Variants in HLA-DPA1 observed in about 807,000 individuals in gnomAD.
The protein encoded by HLA-DPA1 is major histocompatibility complex, class II, DP alpha 1.
Under a neutral mutation model 21.5 loss-of-function variants are expected in HLA-DPA1, and 20 were observed. The observed-to-expected ratio is 0.93, with a 90% CI of 0.66 to 1.35. The LOEUF is 1.35. Among genes scored for constraint, HLA-DPA1 ranks in the 40% most tolerant of loss-of-function variants. HLA-DPA1 has a pLI of 0.00. For synonymous variants in HLA-DPA1, 123 were observed against 129.6 expected (o/e 0.95, Z 0.35); for missense variants, 279 against 323.0 (o/e 0.86, Z 1.05).
At chr6:33,070,031 A>C (rs1762200491) in intron 2 of HLA-DPA1, 145 bp from the exon 2 acceptor site, 1 of 679,868 alleles carries the variant, frequency 1.5e-6, no homozygotes, top group South Asian at 1.9e-5. Context: ...AAGAAGAAGG[A>C]GCAACACCAT....
chr6:33,068,714 C>A, exon 5 of HLA-DPA1: 1 of 1,613,016 alleles, frequency 6.2e-7, no homozygotes, highest in Non-Finnish European at 8.5e-7. Flanking sequence ...GAGGACGGTG[C>A]CCACGATGAT....
chr6:33,066,087 C>T (rs1013336772), intron 5 of HLA-DPA1: 1 of 152,206 alleles, frequency 6.6e-6, no homozygotes, highest in Admixed American at 6.5e-5. Context: ...CATTCTTCCT[C>T]TTAACATCTG....
chr6:33,069,945 C>A, intron 2 of HLA-DPA1, 59 bp from the exon 2 acceptor site: 1 of 1,497,716 alleles, frequency 6.7e-7, no homozygotes, highest in South Asian at 1.2e-5. Flanking sequence ...TGCAAGTGGT[C>A]AAAGCTAGAG....
rs138558901 is a variant in HLA-DPA1, at chr6:33,078,063, C to T, written c.-100+2617G>A. On this transcript the variant is annotated intron_variant, in intron 1 of 5. Coordinates refer to ENST00000419277, the Ensembl canonical transcript of HLA-DPA1. ...CAGGAGGAAGTGACGGATGCAGCGC[C>T]CCCATCCCATAGGCAGAGCTGTCAT... is the stretch of plus-strand genomic sequence containing the variant. Among the ~76,000 whole-genome samples, 295 of 152,126 alleles carry T rather than the reference C, an allele frequency of 1.9e-3. 1 individual carries two copies. Among genetic ancestry groups the T allele is most frequent in the African/African-American group, 6.3e-3 (263 of 41,492 alleles).
At chr6:33,071,727 C>A (rs1186189145) in intron 2 of HLA-DPA1, among the ~76,000 whole-genome samples, 2 of 152,124 alleles carry the variant, frequency 1.3e-5, no homozygotes, top group Non-Finnish European at 2.9e-5. Context: ...AAGATGCGAC[C>A]AAACAGCACA....
chr6:33,066,135 T>C (rs990304606), intron 5 of HLA-DPA1: 7 of 152,180 alleles, frequency 4.6e-5, no homozygotes, highest in Non-Finnish European at 1.0e-4. Context: ...CAAATCATTA[T>C]AGATATAATT....
chr6:33,076,773 G>C (rs1455926265), intron 1 of HLA-DPA1, among the ~76,000 whole-genome samples: 2 of 152,138 alleles, frequency 1.3e-5, no homozygotes, highest in African/African-American at 2.4e-5. Context: ...GTGGGTGCAT[G>C]ACAGGGATTG....
At chr6:33,078,846 C>A (rs1229478235) in intron 1 of HLA-DPA1, among the ~76,000 whole-genome samples, 1 of 152,066 alleles carries the variant, frequency 6.6e-6, no homozygotes, top group African/African-American at 2.4e-5. Context: ...CAAAGACTAA[C>A]AAATGAAAAT....
chr6:33,071,784 A>T lies in HLA-DPA1; in HGVS notation c.100+1687T>A, dbSNP rs192131485. 3.6e-3 allele frequency among the ~76,000 whole-genome samples: 539 copies of T among 148,592 alleles called. 3 individuals are homozygous for T. The highest frequency in any genetic ancestry group is 0.028 in the East Asian group (131 of 4,702). ...ACAGATGGCTTCAATGTAGGCATTC[A>T]GAAAACAGGGCAAAAGCCACTTCTC... On this transcript the variant is annotated intron_variant, in intron 2 of 5. Coordinates refer to ENST00000419277, the Ensembl canonical transcript of HLA-DPA1.
intron 3 of HLA-DPA1, 25 bp downstream of exon 2, chr6:33,069,616 A>AG: frequency 2.5e-6 from 4 of 1,610,392 alleles, no homozygotes; most frequent in Non-Finnish European, 3.4e-6. Context: ...TGGGCTACAG[A>AG]GGAAGAGGCA....
chr6:33,076,958 T>G (rs1009580648), intron 1 of HLA-DPA1, among the ~76,000 whole-genome samples: 3 of 152,098 alleles, frequency 2.0e-5, no homozygotes, highest in Non-Finnish European at 2.9e-5. Flanking sequence ...CTAGGGTACA[T>G]GTGCACAACG....
chr6:33,068,943 A>T, intron 4 of HLA-DPA1, 76 bp downstream of exon 3: 1 of 1,560,476 alleles, frequency 6.4e-7, no homozygotes, highest in Non-Finnish European at 8.8e-7. Flanking sequence ...GCCAGTGCGG[A>T]AAGCTGGTGC....
chr6:33,069,440 G>T, intron 3 of HLA-DPA1, 140 bp from the exon 3 acceptor site: 1 of 1,046,616 alleles, frequency 9.6e-7, no homozygotes, highest in South Asian at 1.6e-5. Context: ...TCACACCACT[G>T]ACCAGCCTCA....
At chr6:33,076,818 C>G in intron 1 of HLA-DPA1, among the ~76,000 whole-genome samples, 1 of 152,088 alleles carries the variant, frequency 6.6e-6, no homozygotes, top group East Asian at 1.9e-4. Context: ...GAAGCAGTAA[C>G]CAAGTGAAAA....
At chr6:33,079,818 C>A in intron 1 of HLA-DPA1, 1 of 452,460 alleles carries the variant, frequency 2.2e-6, no homozygotes, top group South Asian at 1.7e-5. Flanking sequence ...CCATCAGAGT[C>A]ACCAACCCCA....
intron 2 of HLA-DPA1, among the ~76,000 whole-genome samples, 165 bp from the exon 2 acceptor site, chr6:33,070,051 A>T (rs1762201662): frequency 6.6e-6 from 1 of 152,242 alleles, no homozygotes; most frequent in Non-Finnish European, 1.5e-5. Flanking sequence ...TAAAGGAAAT[A>T]ATACAGAGCA....
At chr6:33,068,492 A>T (rs1360279242) in intron 5 of HLA-DPA1, 146 bp downstream of exon 4, 3 of 632,998 alleles carry the variant, frequency 4.7e-6, no homozygotes, top group Non-Finnish European at 8.3e-6. Flanking sequence ...GACCATATTA[A>T]CTACTCAGTT....
intron 1 of HLA-DPA1, chr6:33,075,960 TA>T: frequency 9.6e-7 from 1 of 1,037,266 alleles, no homozygotes. Context: ...TGGTCTCTAA[TA>T]TTTCAAACAG....
At chr6:33,077,371 A>G (rs757152216) in intron 1 of HLA-DPA1, among the ~76,000 whole-genome samples, 64 of 152,198 alleles carry the variant, frequency 4.2e-4, no homozygotes, top group Middle Eastern at 3.4e-3. Context: ...TAGTGCCGCA[A>G]TAAACATATG....
Sources: gnomAD v4.1 joint callset for allele counts (sites outside exome capture counted in the v4.1 genomes callset) on GRCh38, gnomAD v4.1.1 for gene constraint, MANE v1.5 for transcripts, NCBI Gene and HGNC (gene_info 2026-07-23, HGNC 2026-07-21) for gene names.